NLGN1: variants seen among roughly 807,000 people sequenced by gnomAD.
NLGN1 encodes the protein neuroligin-1.
A neutral mutation model predicts 65.5 loss-of-function variants in NLGN1; 12 were observed. That is an observed-to-expected ratio of 0.18 (90% CI 0.12 to 0.30). The LOEUF (loss-of-function observed/expected upper bound fraction) is 0.30. NLGN1 is among the 10% of genes least tolerant of loss of function. The pLI is 1.00. For synonymous variants in NLGN1, 350 were observed against 359.5 expected (o/e 0.97, Z 0.30); for missense variants, 750 against 1,007.1 (o/e 0.74, Z 3.46).
chr3:174,192,115 A>G (rs562165312), intron 4 of NLGN1, among the ~76,000 whole-genome samples: 1 of 152,280 alleles, frequency 6.6e-6, no homozygotes, highest in South Asian at 2.1e-4. Context: ...ATTTCCGGAT[A>G]GCCAGGGCAG....
Position 173,613,456 on chromosome 3 carries a change from A to G in NLGN1, c.493+8365A>G, listed in dbSNP as rs1560051769. Among the ~76,000 whole-genome samples the G allele has an allele frequency of 2.6e-5, 4 of 152,248 alleles. No individual in the cohort carries two copies. In the South Asian group the frequency reaches 8.3e-4, roughly 32 times the overall value. ...TTTCTATCAAGATAGGATACGATGC[A>G]TTAGTCCATATGCTTTTATAAATCC... is the stretch of plus-strand genomic sequence containing the variant. On this transcript the variant is annotated intron_variant, in intron 3 of 6. Transcript: ENST00000457714.
At chr3:174,262,055 G>A (rs1218160082) in intron 4 of NLGN1, among the ~76,000 whole-genome samples, 2 of 132,514 alleles carry the variant, frequency 1.5e-5, no homozygotes, top group Admixed American at 7.6e-5. Flanking sequence ...TGGTGGATAA[G>A]CTTTTTGATG....
At chr3:174,204,787 T>G (rs1735100637) in intron 4 of NLGN1, among the ~76,000 whole-genome samples, 1 of 152,212 alleles carries the variant, frequency 6.6e-6, no homozygotes, top group Admixed American at 6.5e-5. Flanking sequence ...CCACAACTTT[T>G]CAACTTTTTA....
chr3:173,713,178 T>C (rs1769279882), intron 3 of NLGN1, among the ~76,000 whole-genome samples: 1 of 152,176 alleles, frequency 6.6e-6, no homozygotes, highest in Non-Finnish European at 1.5e-5. Flanking sequence ...AAAAAATGGC[T>C]CTCACGGCAT....
intron 3 of NLGN1, among the ~76,000 whole-genome samples, chr3:173,699,986 A>T (rs993928070): frequency 6.6e-6 from 1 of 152,218 alleles, no homozygotes; most frequent in Non-Finnish European, 1.5e-5. Flanking sequence ...AAAAGAGCTA[A>T]TTCACCTACC....
At chr3:174,036,393 TCTTA>T (rs1009837228) in intron 4 of NLGN1, among the ~76,000 whole-genome samples, 1 of 152,116 alleles carries the variant, frequency 6.6e-6, no homozygotes, top group Non-Finnish European at 1.5e-5. Context: ...AACCTTATTC[TCTTA>T]CTTTTCAGTT....
intron 4 of NLGN1, among the ~76,000 whole-genome samples, chr3:174,086,308 CATAA>C (rs10597192): frequency 3.7e-3 from 2 of 542 alleles, no homozygotes; most frequent in Non-Finnish European, 7.4e-3. Context: ...TATGTATGTG[CATAA>C]ATATATATAT....
chr3:173,457,372 G>T (rs1722676286), intron 2 of NLGN1, among the ~76,000 whole-genome samples: 1 of 152,012 alleles, frequency 6.6e-6, no homozygotes, highest in African/African-American at 2.4e-5. Flanking sequence ...TGTAGGGGGT[G>T]ATATTCAAAG....
intron 2 of NLGN1, among the ~76,000 whole-genome samples, chr3:173,466,955 G>C (rs1314209458): frequency 1.3e-5 from 2 of 151,984 alleles, no homozygotes; most frequent in Non-Finnish European, 1.5e-5. Context: ...AAAATTTGTT[G>C]CCTTCTTTAT....
chr3:174,122,975 T>C (rs1718105785), intron 4 of NLGN1, among the ~76,000 whole-genome samples: 1 of 152,074 alleles, frequency 6.6e-6, no homozygotes, highest in Non-Finnish European at 1.5e-5. Flanking sequence ...AGAAAGCTTT[T>C]TTAAGATAGC....
At chr3:173,448,109 G>A (rs1474281578) in intron 2 of NLGN1, among the ~76,000 whole-genome samples, 2 of 152,154 alleles carry the variant, frequency 1.3e-5, no homozygotes, top group Admixed American at 1.3e-4. Flanking sequence ...TTGAATAGGA[G>A]TGGTGAGAGA....
chr3:173,483,279 A>G (rs756255481), intron 2 of NLGN1, among the ~76,000 whole-genome samples: 38 of 152,120 alleles, frequency 2.5e-4, no homozygotes, highest in Non-Finnish European at 1.6e-4. Flanking sequence ...CACACTTATA[A>G]TAGTTACATT....
chr3:173,669,628 G>C (rs888447942), intron 3 of NLGN1, among the ~76,000 whole-genome samples: 3 of 152,198 alleles, frequency 2.0e-5, no homozygotes, highest in Non-Finnish European at 4.4e-5. Flanking sequence ...TTCCAAATAG[G>C]TTGCATTCTG....
intron 4 of NLGN1, among the ~76,000 whole-genome samples, chr3:174,271,817 A>G (rs1293026145): frequency 1.3e-5 from 2 of 151,746 alleles, no homozygotes; most frequent in Non-Finnish European, 3.0e-5. Context: ...GACAATTGTA[A>G]TAGACACGTG....
chr3:174,033,149 C>T (rs1004177620), intron 4 of NLGN1, among the ~76,000 whole-genome samples: 11 of 151,972 alleles, frequency 7.2e-5, no homozygotes, highest in African/African-American at 1.7e-4. Context: ...CACCGCGCCA[C>T]GGGGCCCTAA....
chr3:173,527,493 G>A (rs1401986277), intron 2 of NLGN1, among the ~76,000 whole-genome samples: 1 of 152,100 alleles, frequency 6.6e-6, no homozygotes, highest in Non-Finnish European at 1.5e-5. Context: ...CACCTCCCGG[G>A]TTCACACCAT....
At chr3:173,692,172 C>G (rs910553938) in intron 3 of NLGN1, among the ~76,000 whole-genome samples, 1 of 152,058 alleles carries the variant, frequency 6.6e-6, no homozygotes, top group Non-Finnish European at 1.5e-5. Context: ...GCATTCTCAA[C>G]TGGAAATCAA....
At chr3:173,495,613 ATTTTCTAGCACCTTTATCAGGTTGAAG>A (rs1729880460) in intron 2 of NLGN1, among the ~76,000 whole-genome samples, 2 of 143,558 alleles carry the variant, frequency 1.4e-5, no homozygotes, top group Non-Finnish European at 3.0e-5. Flanking sequence ...TAGCTGTAGC[ATTTTCTAGCACCTTTATCAGGTTGAAG>A]AAATTTTCTT....
chr3:173,622,297 TG>T (rs1389357185), intron 3 of NLGN1, among the ~76,000 whole-genome samples: 2 of 151,852 alleles, frequency 1.3e-5, no homozygotes, highest in Non-Finnish European at 2.9e-5. Flanking sequence ...TGCATGGGAG[TG>T]GAATGGACCC....
Sources: gnomAD v4.1 joint callset for allele counts (sites outside exome capture counted in the v4.1 genomes callset) on GRCh38, gnomAD v4.1.1 for gene constraint, MANE v1.5 for transcripts, NCBI Gene and HGNC (gene_info 2026-07-23, HGNC 2026-07-21) for gene names.